NEO1: variants seen among roughly 807,000 people sequenced by gnomAD.
The protein encoded by NEO1 is neogenin 1.
NEO1 carries 63 observed loss-of-function variants against 159.7 expected under a neutral mutation model. That is an observed-to-expected ratio of 0.39 (90% CI 0.32 to 0.49). The LOEUF (loss-of-function observed/expected upper bound fraction) is 0.49. Among genes scored for constraint, NEO1 ranks in the 20% least tolerant of loss-of-function variants. The probability of loss-of-function intolerance (pLI) is 0.85; values close to 1 mark genes in which losing one functional copy is unlikely to be tolerated. For synonymous variants in NEO1, 633 were observed against 662.0 expected, an observed-to-expected ratio of 0.96 and a Z score of 0.67; for missense variants, 1,615 against 1,831.0, an observed-to-expected ratio of 0.88 and a Z score of 2.15.
chr15:73,183,576 G>A (rs1469776528), intron 7 of NEO1, among the ~76,000 whole-genome samples: 5 of 152,184 alleles, frequency 3.3e-5, no homozygotes, highest in Admixed American at 2.6e-4. Flanking sequence ...ATACAAGGCA[G>A]ATTTTGACTG....
intron 7 of NEO1, among the ~76,000 whole-genome samples, chr15:73,227,276 A>T (rs779583566): frequency 1.5e-4 from 23 of 152,134 alleles, no homozygotes; most frequent in Non-Finnish European, 3.1e-4. Flanking sequence ...CAGGCACATC[A>T]CTTGAGGTCA....
chr15:73,225,703 C>G (rs555236205), intron 7 of NEO1, among the ~76,000 whole-genome samples: 5 of 152,130 alleles, frequency 3.3e-5, no homozygotes, highest in Admixed American at 2.6e-4. Context: ...AGAACTTGCC[C>G]CAGGCTGCCT....
chr15:73,292,862 T>A (rs2151146070), intron 25 of NEO1, among the ~76,000 whole-genome samples: 1 of 152,338 alleles, frequency 6.6e-6, no homozygotes, highest in South Asian at 2.1e-4. Context: ...TTATTTGGCC[T>A]AAATACCCAT....
intron 22 of NEO1, 35 bp downstream of exon 22, chr15:73,278,234 T>G: frequency 6.3e-7 from 1 of 1,590,916 alleles, no homozygotes; most frequent in Non-Finnish European, 8.6e-7. Context: ...TTGCTTACTA[T>G]GGACATGAAG....
At chr15:73,096,809 A>G (rs190297898) in intron 1 of NEO1, among the ~76,000 whole-genome samples, 136 of 152,232 alleles carry the variant, frequency 8.9e-4, no homozygotes, top group African/African-American at 3.1e-3. Flanking sequence ...AAAAATCTTC[A>G]AAGAGCACTC....
chr15:73,059,000 G>A (rs1265146325), intron 1 of NEO1, among the ~76,000 whole-genome samples: 1 of 152,002 alleles, frequency 6.6e-6, no homozygotes, highest in Non-Finnish European at 1.5e-5. Context: ...TTGGAAAATC[G>A]TCTATGTTAC....
rs869029902 is a variant in NEO1, at chr15:73,279,351, G to GTTTTTTTTTTTTTTTTTTTTTTTTTT, written c.3262+1167_3262+1168insTTTTTTTTTTTTTTTTTTTTTTTTTT. Among the ~76,000 whole-genome samples, 20 of 119,350 alleles carry GTTTTTTTTTTTTTTTTTTTTTTTTTT rather than the reference G, an allele frequency of 1.7e-4. 1 individual carries two copies. Among genetic ancestry groups the GTTTTTTTTTTTTTTTTTTTTTTTTTT allele is most frequent in the African/African-American group, 3.6e-4 (12 of 33,542 alleles). The allele number at this position is 119,350 out of a possible 152,430, so 78.3% of individuals were successfully genotyped here. A position where few individuals can be genotyped will look rare whatever the true frequency, so the allele number is the denominator to read the frequency against. On this transcript the variant is annotated intron_variant, in intron 22 of 28. Transcript: ENST00000261908. The stretch of plus-strand genomic sequence containing the variant: ...ATGTTTTTTTGTTGTTTTGGTTTTG[G>GTTTTTTTTTTTTTTTTTTTTTTTTTT]TTTTTTTTTTTTTTTGAGATGGAAT...
intron 13 of NEO1, among the ~76,000 whole-genome samples, chr15:73,257,455 T>C (rs1204741591): frequency 1.3e-5 from 2 of 152,188 alleles, no homozygotes; most frequent in African/African-American, 4.8e-5. Flanking sequence ...TGTTGGCATG[T>C]TCTGGCACTG....
chr15:73,174,099 CAA>C (rs35792534), intron 5 of NEO1, among the ~76,000 whole-genome samples: 2 of 143,130 alleles, frequency 1.4e-5, no homozygotes, highest in Non-Finnish European at 3.0e-5. Flanking sequence ...GACTCCATCT[CAA>C]AAAAAAAAAA....
At chr15:73,240,875 CG>C (rs2150887100) in intron 8 of NEO1, among the ~76,000 whole-genome samples, 1 of 152,228 alleles carries the variant, frequency 6.6e-6, no homozygotes, top group African/African-American at 2.4e-5. Flanking sequence ...TTTTTTAAGT[CG>C]TAAGACTATA....
intron 22 of NEO1, among the ~76,000 whole-genome samples, chr15:73,279,399 A>G (rs1179394323): frequency 7.7e-6 from 1 of 130,200 alleles, no homozygotes; most frequent in Admixed American, 9.9e-5. Context: ...CCCAGGCTGG[A>G]GTGCAGTGGC....
intron 18 of NEO1, among the ~76,000 whole-genome samples, chr15:73,271,588 T>G (rs1461353685): frequency 6.6e-6 from 1 of 152,214 alleles, no homozygotes; most frequent in Non-Finnish European, 1.5e-5. Context: ...AATCATCTAT[T>G]CTTTGAAGAA....
rs530144412 is a variant in NEO1, at chr15:73,090,263, T to A, written c.131-26277T>A. On this transcript the variant is annotated intron_variant, in intron 1 of 28. Coordinates refer to ENST00000261908, the MANE Select transcript of NEO1 (RefSeq NM_002499.4). ...AGGTTGGAGTGCAGTAGCGCAATCT[T>A]GGCTCACTGTGGCCTCCGTCTCCTG... Among the ~76,000 whole-genome samples the A allele has an allele frequency of 7.7e-4, 117 of 152,256 alleles. 1 individual carries two copies. Among genetic ancestry groups the A allele is most frequent in the African/African-American group, 2.7e-3 (113 of 41,564 alleles).
chr15:73,289,261 C>A, intron 25 of NEO1, 23 bp downstream of exon 25: 1 of 1,592,798 alleles, frequency 6.3e-7, no homozygotes, highest in South Asian at 1.1e-5. Context: ...ATCTCTTTTC[C>A]TCAGTGCTAC....
At chr15:73,126,006 C>G (rs984451477) in intron 3 of NEO1, among the ~76,000 whole-genome samples, 1 of 152,122 alleles carries the variant, frequency 6.6e-6, no homozygotes, top group Admixed American at 6.5e-5. Context: ...AAATATCTCT[C>G]GATTGATTGA....
intron 7 of NEO1, among the ~76,000 whole-genome samples, chr15:73,193,895 G>A (rs772131018): frequency 6.4e-4 from 97 of 151,976 alleles, no homozygotes; most frequent in Non-Finnish European, 6.2e-4. Context: ...CATGTGAGCC[G>A]AGCCTAGAAG....
At chr15:73,281,420 ATTTTTTTGAAT>A (rs2041707571) in intron 22 of NEO1, among the ~76,000 whole-genome samples, 1 of 151,356 alleles carries the variant, frequency 6.6e-6, no homozygotes, top group African/African-American at 2.4e-5. Flanking sequence ...TGCCCGGCTA[ATTTTTTTGAAT>A]TTTTTATTAG....
rs2042697927 is a variant in NEO1, at chr15:73,303,671, TA to T, written c.*979del. The T allele has an allele frequency of 6.6e-6, 1 of 152,260 alleles. No homozygotes were observed. Among genetic ancestry groups the T allele is most frequent in the African/African-American group, 2.4e-5 (1 of 41,448 alleles). 9.4% of individuals were successfully genotyped at this position (152,260 alleles called of 1,614,324 possible). A position where few individuals can be genotyped will look rare whatever the true frequency, so the allele number is the denominator to read the frequency against. ...CTGGAGTTTGATTTGGATCTGGTTT[TA>T]AAATTCTTCTGTGCAATAGATGGGT... On this transcript the variant is annotated 3_prime_UTR_variant, in exon 29 of 29. Transcript: ENST00000261908.
intron 15 of NEO1, among the ~76,000 whole-genome samples, chr15:73,261,941 A>G (rs1215005924): frequency 2.0e-5 from 3 of 152,214 alleles, no homozygotes; most frequent in Non-Finnish European, 4.4e-5. Context: ...CATCAATGGA[A>G]CAGAATAGAG....
Sources: allele counts gnomAD v4.1 joint callset (sites outside exome capture counted in the v4.1 genomes callset), GRCh38; gene constraint gnomAD v4.1.1; transcripts MANE v1.5; gene names NCBI Gene and HGNC (gene_info 2026-07-23, HGNC 2026-07-21).